RNF126: variants seen among roughly 807,000 people sequenced by gnomAD.
RNF126 encodes ring finger protein 126.
Under a neutral mutation model 41.9 loss-of-function variants are expected in RNF126, and 20 were observed. The observed-to-expected ratio is 0.48, with a 90% confidence interval of 0.34 to 0.69. The LOEUF (loss-of-function observed/expected upper bound fraction) is 0.69. Among genes scored for constraint, RNF126 ranks in the 30% least tolerant of loss-of-function variants. The probability of loss-of-function intolerance (pLI) is 0.01; values close to 1 mark genes in which losing one functional copy is unlikely to be tolerated. For missense variants in RNF126, 433 were observed against 460.6 expected (o/e 0.94, Z 0.55); for synonymous variants, 239 against 202.9 (o/e 1.18, Z -1.51).
chr19:660,965 G>A, intron 1 of RNF126, among the ~76,000 whole-genome samples: 1 of 152,264 alleles, frequency 6.6e-6, no homozygotes. Flanking sequence ...AGCCCTCTCT[G>A]CAGTTATTTG....
chr19:651,621 T>C lies in RNF126; in HGVS notation c.433A>G (p.Thr145Ala). The C allele has an allele frequency of 4.2e-6, 6 of 1,442,642 alleles. No individual in the cohort carries two copies. The highest frequency in any genetic ancestry group is 5.4e-6 in the Non-Finnish European group (6 of 1,101,278). The allele number at this position is 1,442,642 out of a possible 1,614,324, so 89.4% of individuals were successfully genotyped here. A position where few individuals can be genotyped will look rare whatever the true frequency, so the allele number is the denominator to read the frequency against. ...RATGRHEGVPTLEGIIQQLVN... is the reference protein window; with the variant it reads ...RATGRHEGVPALEGIIQQLVN... Reference sequence around the variant, plus strand: ...CCGGGGCCCCCTCACCCTTCCAGCGTGGGGACGCCTTCGTGCCGGCCGGTG... The same window carrying C: ...CCGGGGCCCCCTCACCCTTCCAGCGCGGGGACGCCTTCGTGCCGGCCGGTG... Residue 145 changes from threonine (T) to alanine (A), a missense_variant, in exon 4 of 9, where the codon ACG becomes GCG. Around this residue, in one of 5 missense-constraint regions of RNF126, gnomAD observed 247 missense variants for 224.7 expected, o/e 1.10. Coordinates refer to ENST00000292363, the MANE Select transcript of RNF126 (RefSeq NM_194460.3).
chr19:652,863 C>G lies in RNF126; in HGVS notation c.97G>C (p.Glu33Gln), dbSNP rs759602996. Reference protein sequence around the residue: ...RLPDYICPRCESGFIEELPEE... With the variant: ...RLPDYICPRCQSGFIEELPEE... ...GGAAGCTCCTCGATAAAACCAGACT[C>G]GCATCTTGGACAGATATAATCCTGC... is the stretch of plus-strand genomic sequence containing the variant. The change falls in exon 2 of 9, where the codon GAG becomes CAG. Residue 33 changes from glutamate (E) to glutamine (Q), a missense_variant. By Grantham distance (29) the Glu-to-Gln change is conservative. This residue lies in a region of RNF126 where 247 missense variants were observed against 224.7 expected (regional missense o/e 1.10). Coordinates refer to ENST00000292363, the MANE Select transcript of RNF126 (RefSeq NM_194460.3). The G allele has an allele frequency of 1.2e-6, 2 of 1,613,204 alleles. No individual in the cohort carries two copies. The highest frequency in any genetic ancestry group is 1.7e-5 in the Admixed American group (1 of 59,952).
Position 650,422 on chromosome 19 carries a change from ATTTAT to A in RNF126, c.444-131_444-127del. On this transcript the variant is annotated intron_variant, in intron 4 of 8. Coordinates refer to ENST00000292363, the MANE Select transcript of RNF126 (RefSeq NM_194460.3). ...TCAGCTTCTAGATTAGCTTCTATTTATTTATTTTACTATGAGCCAGGGTCTCACTC... is the reference window on the plus strand; with the variant it reads ...TCAGCTTCTAGATTAGCTTCTATTTATTTACTATGAGCCAGGGTCTCACTC... 4 of 781,142 alleles carry A rather than the reference ATTTAT, an allele frequency of 5.1e-6. No homozygotes were observed. In the South Asian group the frequency reaches 7.4e-5, roughly 15 times the overall value. The allele number at this position is 781,142 out of a possible 1,614,324, so 48.4% of individuals were successfully genotyped here.
chr19:652,396 T>C lies in RNF126; in HGVS notation c.135-100A>G, dbSNP rs552705646. 3.7e-5 allele frequency: 39 copies of C among 1,060,120 alleles called. No homozygotes were observed. In the African/African-American group the frequency reaches 5.1e-4, roughly 14 times the overall value. 65.7% of individuals were successfully genotyped at this position (1,060,120 alleles called of 1,614,324 possible). ...GCCTATGTTGGGAGAGCAGGAATTGTCCTTGGCACTGCTTCCCACCCGCCA... is the reference window on the plus strand; with the variant it reads ...GCCTATGTTGGGAGAGCAGGAATTGCCCTTGGCACTGCTTCCCACCCGCCA... On this transcript the variant is annotated intron_variant, in intron 2 of 8. Transcript: ENST00000292363.
intron 3 of RNF126, 114 bp from the exon 4 acceptor site, chr19:651,969 G>A (rs2030323059): frequency 5.1e-6 from 5 of 981,132 alleles, no homozygotes; most frequent in Non-Finnish European, 7.4e-6. Context: ...GGTGCCGGGT[G>A]GGAGGGAGAC....
rs1046593224 is a variant in RNF126, at chr19:647,734, C to T, written c.*394G>A. The T allele has an allele frequency of 3.5e-5, 10 of 285,284 alleles. No individual in the cohort carries two copies. Among genetic ancestry groups the T allele is most frequent in the South Asian group, 2.0e-4 (7 of 35,052 alleles). The allele number at this position is 285,284 out of a possible 1,614,324, so 17.7% of individuals were successfully genotyped here. ...GCGGCACCTGCAGCACTGGGGGAGC[C>T]GCTGAACCCCGTGCTTCAGCGCTGG... On this transcript the variant is annotated 3_prime_UTR_variant, in exon 9 of 9. Coordinates refer to ENST00000292363, the MANE Select transcript of RNF126 (RefSeq NM_194460.3).
At chr19:649,446 G>A (rs1358825290) in intron 6 of RNF126, 6 of 551,576 alleles carry the variant, frequency 1.1e-5, no homozygotes, top group Admixed American at 6.4e-5. Flanking sequence ...TCCTCCCCGC[G>A]GTTTTGCTAC....
Position 648,891 on chromosome 19 carries a change from C to T in RNF126, c.661G>A (p.Glu221Lys). 1.4e-6 allele frequency: 2 copies of T among 1,438,258 alleles called. No individual in the cohort carries two copies. The highest frequency in any genetic ancestry group is 9.1e-7 in the Non-Finnish European group (1 of 1,094,292). The allele number at this position is 1,438,258 out of a possible 1,614,324, so 89.1% of individuals were successfully genotyped here. ...GGCTGAGCTCTCATACCTACGTGCT[C>T]CTCAGTGACGGGGACGGTGGGGAGG... ...QALPTVPVTE[E>K]HVGSGLECPV... Residue 221 changes from glutamate (E) to lysine (K), a missense_variant, in exon 7 of 9, where the codon GAG (glutamate) becomes AAG (lysine). By Grantham distance (56) the Glu-to-Lys change is moderately conservative (BLOSUM62 1). Transcript: ENST00000292363.
intron 1 of RNF126, among the ~76,000 whole-genome samples, chr19:653,932 G>A (rs2030444927): frequency 6.6e-6 from 1 of 152,216 alleles, no homozygotes; most frequent in Non-Finnish European, 1.5e-5. Context: ...GCATGGGGGA[G>A]TGCTGTGAGG....
Position 648,444 on chromosome 19 carries a change from C to G in RNF126, c.714G>C (p.Leu238=), listed in dbSNP as rs1289861621. The change falls in exon 8 of 9, where the codon CTG becomes CTC. Residue 238 remains leucine (L), a synonymous_variant. Transcript: ENST00000292363. ...AGGGCAGCTGCCGCACACGCTCACC[C>G]AGCGCGTAGTCGTCCTTGCACACAG... ...ECPVCKDDYA[L]GERVRQLPCN... The G allele has an allele frequency of 6.3e-7, 1 of 1,591,106 alleles. No homozygotes were observed. The highest frequency in any genetic ancestry group is 1.3e-5 in the African/African-American group (1 of 74,244).
chr19:649,658 T>C, intron 6 of RNF126, 21 bp downstream of exon 6: 1 of 1,551,386 alleles, frequency 6.4e-7, no homozygotes, highest in Non-Finnish European at 8.7e-7. Flanking sequence ...GCAGGCACTC[T>C]GGGCCGTGGC....
intron 1 of RNF126, among the ~76,000 whole-genome samples, chr19:654,900 G>A (rs1372252465): frequency 6.6e-6 from 1 of 151,864 alleles, no homozygotes; most frequent in Non-Finnish European, 1.5e-5. Context: ...CTAGGAGGCG[G>A]AGGCTGCAAC....
Position 648,364 on chromosome 19 carries a change from G to GCGCGCCCC in RNF126, c.786+7_786+8insGGGGCGCG. 1 of 510,498 alleles carries GCGCGCCCC rather than the reference G, an allele frequency of 2.0e-6. No individual in the cohort carries two copies. Among genetic ancestry groups the GCGCGCCCC allele is most frequent in the Non-Finnish European group, 3.6e-6 (1 of 278,364 alleles). 31.6% of individuals were successfully genotyped at this position (510,498 alleles called of 1,614,324 possible). A position where few individuals can be genotyped will look rare whatever the true frequency, so the allele number is the denominator to read the frequency against. On this transcript the variant is annotated splice_region_variant and intron_variant, in intron 8 of 8. Transcript: ENST00000292363. ...CGGGGTGGGGGGGCGGGTGGGCGGG[G>GCGCGCCCC]CACTCACCTGCTCCAGCCAGGGCAC...
intron 6 of RNF126, 30 bp downstream of exon 6, chr19:649,648 GC>G: frequency 6.5e-7 from 1 of 1,539,260 alleles, no homozygotes; most frequent in Non-Finnish European, 8.8e-7. Context: ...CCCTCCCCCA[GC>G]AGGCACTCTG....
Position 659,448 on chromosome 19 carries a change from C to T in RNF126, c.75+3599G>A, listed in dbSNP as rs892065927. Among the ~76,000 whole-genome samples the T allele has an allele frequency of 2.0e-5, 3 of 152,126 alleles. No individual in the cohort carries two copies. The highest frequency in any genetic ancestry group is 2.9e-5 in the Non-Finnish European group (2 of 68,010). The stretch of plus-strand genomic sequence containing the variant: ...GGACACTGCGGAGGTTGCAGGCGTT[C>T]GGGGGTGGGGGGTCGGCAGGCAGAG... On this transcript the variant is annotated intron_variant, in intron 1 of 8. Coordinates refer to ENST00000292363, the MANE Select transcript of RNF126 (RefSeq NM_194460.3). This position sits in a 1 kb window ranked among gnomAD's most constrained non-coding sequence, Gnocchi z 4.9.
At chr19:648,830 G>A (rs984646889) in intron 7 of RNF126, 52 bp downstream of exon 7, 21 of 1,081,062 alleles carry the variant, frequency 1.9e-5, no homozygotes, top group East Asian at 7.7e-5. Context: ...TGAGCCAGGC[G>A]TGGCGGCGGG....
At position 659,529 on chromosome 19, in the gene RNF126, C is replaced by T. The variant is rs1016590885; in HGVS notation, c.75+3518G>A. The stretch of plus-strand genomic sequence containing the variant: ...GGGGAGGTCAGGGGCAAGGACGGCA[C>T]GCAGGGCCACCTCCCTGCGCCCGCC... On this transcript the variant is annotated intron_variant, in intron 1 of 8. Transcript: ENST00000292363. This position sits in a 1 kb window ranked among gnomAD's most constrained non-coding sequence, Gnocchi z 4.9. Among the ~76,000 whole-genome samples the T allele has an allele frequency of 4.6e-5, 7 of 152,108 alleles. No homozygotes were observed. The highest frequency in any genetic ancestry group is 8.8e-5 in the Non-Finnish European group (6 of 68,006).
Position 648,909 on chromosome 19 carries a change from T to C in RNF126, c.643A>G (p.Thr215Ala), listed in dbSNP as rs770972244. 26 of 1,422,588 alleles carry C rather than the reference T, an allele frequency of 1.8e-5. No individual in the cohort carries two copies. Among genetic ancestry groups the C allele is most frequent in the Non-Finnish European group, 1.2e-5 (13 of 1,086,636 alleles). The allele number at this position is 1,422,588 out of a possible 1,614,324, so 88.1% of individuals were successfully genotyped here. A position where few individuals can be genotyped will look rare whatever the true frequency, so the allele number is the denominator to read the frequency against. Residue 215 changes from threonine (T) to alanine (A), a missense_variant, in exon 7 of 9, where the codon ACC becomes GCC. Thr to Ala is a moderately conservative substitution (Grantham distance 58, BLOSUM62 0). This residue lies in a region of RNF126 where 97 missense variants were observed against 121.7 expected (regional missense o/e 0.80). Transcript: ENST00000292363. ...ACGTGCTCCTCAGTGACGGGGACGG[T>C]GGGGAGGGCCTGGATTTTCTCTTTA... ...ADKEKIQALP[T>A]VPVTEEHVGS...
At chr19:660,536 C>T (rs1013036356) in intron 1 of RNF126, among the ~76,000 whole-genome samples, 18 of 152,240 alleles carry the variant, frequency 1.2e-4, no homozygotes, top group African/African-American at 7.2e-5. Flanking sequence ...CGCCCCGTTT[C>T]GAGGGCACTG....
Sources: allele counts gnomAD v4.1 joint callset (sites outside exome capture counted in the v4.1 genomes callset), GRCh38; gene constraint gnomAD v4.1.1; regional missense constraint gnomAD v4.1.1; non-coding constraint Gnocchi (gnomAD v3.1); transcripts MANE v1.5; gene names NCBI Gene and HGNC (gene_info 2026-07-23, HGNC 2026-07-21).